The following TNS3 variants were observed in gnomAD, a reference collection of about 807,000 sequenced individuals.
TNS3 encodes the protein tensin 3, also known as tensin-3.
In TNS3, 45 loss-of-function variants were observed where a neutral mutation model predicts 140.9. The ratio of observed to expected loss-of-function variants is 0.32; its 90% CI spans 0.25 to 0.41. The LOEUF (loss-of-function observed/expected upper bound fraction) is 0.41. Ranked by LOEUF, TNS3 falls within the 10% of genes least tolerant of loss-of-function variation. The probability of loss-of-function intolerance (pLI) is 1.00; values close to 1 mark genes in which losing one functional copy is unlikely to be tolerated. For synonymous variants in TNS3, 815 were observed against 788.4 expected, an observed-to-expected ratio of 1.03 and a Z score of -0.56; for missense variants, 1,716 against 1,906.7, an observed-to-expected ratio of 0.90 and a Z score of 1.86.
chr7:47,408,419 T>C (rs1426282135), intron 13 of TNS3, among the ~76,000 whole-genome samples: 1 of 150,376 alleles, frequency 6.6e-6, no homozygotes, highest in Non-Finnish European at 1.5e-5. Context: ...CACTACAGGG[T>C]GGGACAGGAT....
chr7:47,349,333 C>T (rs896688946), intron 17 of TNS3, among the ~76,000 whole-genome samples: 2 of 152,256 alleles, frequency 1.3e-5, no homozygotes, highest in Non-Finnish European at 2.9e-5. Context: ...CTGTGTGGCA[C>T]CATGTCTGGT....
rs761973548 is a variant in TNS3, at chr7:47,280,214, G to C, written c.4167-24C>G. 5.0e-6 allele frequency: 8 copies of C among 1,614,148 alleles called. No individual in the cohort carries two copies. The East Asian group carries it at 6.7e-5, about 13-fold the overall frequency. The stretch of plus-strand genomic sequence containing the variant: ...ACCTTGCAAATTAAAGAGAAAAACA[G>C]AGGTTAATTTTTTTAAACTAAAGGA... On this transcript the variant is annotated intron_variant, in intron 29 of 30. Transcript: ENST00000311160.
At chr7:47,400,551 C>A in intron 14 of TNS3, 93 bp from the exon 15 acceptor site, 1 of 1,347,170 alleles carries the variant, frequency 7.4e-7, no homozygotes, top group South Asian at 1.3e-5. Flanking sequence ...CAGTACAGCA[C>A]CACTCCCAAA....
intron 20 of TNS3, among the ~76,000 whole-genome samples, chr7:47,332,723 C>T (rs985171049): frequency 6.6e-6 from 1 of 152,170 alleles, no homozygotes. Flanking sequence ...AGAGACTTCC[C>T]CCAACACCAT....
At chr7:47,547,869 AG>A (rs1473778626) in intron 1 of TNS3, among the ~76,000 whole-genome samples, 1 of 152,176 alleles carries the variant, frequency 6.6e-6, no homozygotes, top group Admixed American at 6.5e-5. Flanking sequence ...GCACATGCAC[AG>A]CGGGCTCCAG....
intron 17 of TNS3, among the ~76,000 whole-genome samples, chr7:47,350,610 G>A (rs1470381367): frequency 1.3e-5 from 2 of 152,196 alleles, no homozygotes; most frequent in Non-Finnish European, 2.9e-5. Flanking sequence ...CCTGTCACCA[G>A]CAGTAGATGC....
chr7:47,312,307 T>C (rs963873284), intron 20 of TNS3, among the ~76,000 whole-genome samples: 25 of 152,332 alleles, frequency 1.6e-4, no homozygotes, highest in African/African-American at 5.8e-4. Flanking sequence ...AAAACAAAGA[T>C]GCATGGAGTT....
chr7:47,416,506 T>C (rs1794089515), intron 10 of TNS3, among the ~76,000 whole-genome samples: 5 of 151,756 alleles, frequency 3.3e-5, no homozygotes, highest in Non-Finnish European at 7.4e-5. Context: ...TTACAATTCG[T>C]AGTGAGAAAC....
At chr7:47,279,227 G>A (rs1333074206) in intron 30 of TNS3, 1 of 152,368 alleles carries the variant, frequency 6.6e-6, no homozygotes, top group Non-Finnish European at 1.5e-5. Flanking sequence ...CAGGCACTGT[G>A]GTCATTAAAT....
At chr7:47,433,613 C>CT (rs1442792982) in intron 8 of TNS3, among the ~76,000 whole-genome samples, 1 of 152,194 alleles carries the variant, frequency 6.6e-6, no homozygotes, top group Admixed American at 6.5e-5. Context: ...AAGGATGGCA[C>CT]TTTTCAAGTC....
intron 10 of TNS3, among the ~76,000 whole-genome samples, chr7:47,421,563 G>T (rs1794372298): frequency 6.6e-6 from 1 of 152,010 alleles, no homozygotes; most frequent in Non-Finnish European, 1.5e-5. Context: ...TAGAGTCACT[G>T]TGCCACACCC....
intron 20 of TNS3, among the ~76,000 whole-genome samples, chr7:47,340,075 A>G (rs1366618686): frequency 1.7e-5 from 2 of 115,716 alleles, no homozygotes; most frequent in African/African-American, 6.3e-5. Context: ...ATACGAATAT[A>G]TGTGTGTGTG....
chr7:47,377,055 A>G (rs1237919319), intron 16 of TNS3, among the ~76,000 whole-genome samples: 1 of 152,188 alleles, frequency 6.6e-6, no homozygotes, highest in Non-Finnish European at 1.5e-5. Context: ...CTGGACCACC[A>G]CAGGGAACAG....
chr7:47,472,936 T>A (rs1470175286), intron 4 of TNS3, among the ~76,000 whole-genome samples: 1 of 152,170 alleles, frequency 6.6e-6, no homozygotes, highest in Non-Finnish European at 1.5e-5. Context: ...AGAGGGGCGC[T>A]GGGTGAGAAA....
chr7:47,470,516 C>G, intron 4 of TNS3: 1 of 985,468 alleles, frequency 1.0e-6, no homozygotes, highest in Non-Finnish European at 1.2e-6. Context: ...ACACTGCTTA[C>G]AGGTGAGTCC....
chr7:47,453,163 C>T (rs1369702994), intron 4 of TNS3: 2 of 985,580 alleles, frequency 2.0e-6, no homozygotes, highest in Non-Finnish European at 2.4e-6. Context: ...CAGGTGTGCC[C>T]GGCCCCACGG....
intron 3 of TNS3, among the ~76,000 whole-genome samples, chr7:47,485,870 C>T (rs1194576254): frequency 6.6e-6 from 1 of 152,208 alleles, no homozygotes; most frequent in Non-Finnish European, 1.5e-5. Flanking sequence ...GACAGAGGGG[C>T]AGAGGGACAA....
At chr7:47,553,041 G>A (rs974624658) in intron 1 of TNS3, among the ~76,000 whole-genome samples, 2 of 152,200 alleles carry the variant, frequency 1.3e-5, no homozygotes, top group African/African-American at 4.8e-5. Flanking sequence ...TTAAGCCAAA[G>A]CCTAATCCAG....
chr7:47,564,660 CA>C (rs1328258617), intron 1 of TNS3, among the ~76,000 whole-genome samples: 3 of 104,504 alleles, frequency 2.9e-5, no homozygotes, highest in African/African-American at 1.1e-4. Context: ...CAAAAAAAAA[CA>C]AAAAAAGACT....
Sources: allele counts gnomAD v4.1 joint callset (sites outside exome capture counted in the v4.1 genomes callset), GRCh38; gene constraint gnomAD v4.1.1; transcripts MANE v1.5; gene names NCBI Gene and HGNC (gene_info 2026-07-23, HGNC 2026-07-21).